Variants in IGSF22 observed in about 807,000 individuals in gnomAD.
IGSF22 encodes the protein immunoglobulin superfamily, member 22.
Under a neutral mutation model 127.0 loss-of-function variants are expected in IGSF22, and 119 were observed. That is an observed-to-expected ratio of 0.94 (90% confidence interval 0.81 to 1.09). The LOEUF is 1.09. Among genes scored for constraint, IGSF22 ranks in the 50% least tolerant of loss-of-function variants. IGSF22 has a pLI of 0.00. For synonymous variants in IGSF22, 568 were observed against 664.7 expected (o/e 0.85, Z 2.24); for missense variants, 1,518 against 1,716.6 (o/e 0.88, Z 2.04).
In IGSF22 at chr11:18,717,958, G is replaced by T; in HGVS notation, c.946C>A (p.Arg316=). The T allele has an allele frequency of 6.2e-7, 1 of 1,614,156 alleles. No homozygotes were observed. The highest frequency in any genetic ancestry group is 1.1e-5 in the South Asian group (1 of 91,074). The change falls in exon 9 of 23, where the codon CGG becomes AGG. Residue 316 remains arginine (R), a synonymous_variant. Coordinates refer to ENST00000513874, the MANE Select transcript of IGSF22 (RefSeq NM_173588.4). ...AGCACTGTGAGCTCTGCACTCATCC[G>T]CTTATCGCCCACGGACAGGCTGTAG... ...GIYSLSVGDK[R]MSAELTVLDE...
intron 19 of IGSF22, 65 bp downstream of exon 19, chr11:18,708,142 A>G (rs1848281698): frequency 2.0e-6 from 3 of 1,531,276 alleles, no homozygotes; most frequent in Admixed American, 3.6e-5. Flanking sequence ...AGAGACTGTG[A>G]TGGCTACAAT....
chr11:18,704,934 C>T (rs1389300232), intron 22 of IGSF22: 1 of 230,656 alleles, frequency 4.3e-6, no homozygotes, highest in Non-Finnish European at 8.7e-6. Context: ...CAGTGCCTTC[C>T]CTGGCCTAGT....
At chr11:18,704,858 G>T in intron 22 of IGSF22, 1 of 308,752 alleles carries the variant, frequency 3.2e-6, no homozygotes, top group Non-Finnish European at 6.3e-6. Context: ...CATTTGCTGT[G>T]CTTACAAGCA....
intron 5 of IGSF22, 37 bp downstream of exon 5, chr11:18,720,149 C>A: frequency 6.2e-7 from 1 of 1,613,876 alleles, no homozygotes; most frequent in Non-Finnish European, 8.5e-7. Context: ...GAGTCTGGTC[C>A]CTAAGAAGAA....
In IGSF22 at chr11:18,714,105, CG is replaced by C. The variant is rs1258967361; in HGVS notation, c.1841del (p.Ala614GlyfsTer6). On this transcript the variant is annotated frameshift_variant, in exon 14 of 23. Transcript: ENST00000513874. LOFTEE classifies it high-confidence loss of function. Reference protein sequence around the residue: ...IDPSVLEALAAHAITVKVGHT... With the variant: ...IDPSVLEALAXHAITVKVGHT... The stretch of plus-strand genomic sequence containing the variant: ...GGCCTACCTTCACAGTGATGGCGTG[CG>C]CAGCCAGTGCCTCCAGTACTGACGG... 1 of 1,614,020 alleles carries C rather than the reference CG, an allele frequency of 6.2e-7. No homozygotes were observed. The highest frequency in any genetic ancestry group is 1.7e-5 in the Admixed American group (1 of 59,998).
At chr11:18,713,742 A>T in intron 14 of IGSF22, 110 bp downstream of exon 14, 1 of 906,684 alleles carries the variant, frequency 1.1e-6, no homozygotes, top group Non-Finnish European at 1.6e-6. Flanking sequence ...GCCCATTCCC[A>T]GCCCAAACTT....
rs777008340 is a variant in IGSF22, at chr11:18,710,765, G to A, written c.2462C>T (p.Thr821Met). 2.0e-5 allele frequency: 33 copies of A among 1,614,052 alleles called. No homozygotes were observed. The highest frequency in any genetic ancestry group is 1.6e-4 in the Middle Eastern group (1 of 6,084). ...TDVTKEAVTI[T>M]WNAPTQDGGA... ...CCCATCCTGGGTAGGGGCATTCCAC[G>A]TGATGGTCACGGCTTCTTTAGTCAC... Residue 821 changes from threonine to methionine, a missense_variant, in exon 16 of 23, where the codon ACG becomes ATG. Coordinates refer to ENST00000513874, the MANE Select transcript of IGSF22 (RefSeq NM_173588.4).
chr11:18,716,973 A>T lies in IGSF22; in HGVS notation c.1001T>A (p.Met334Lys), dbSNP rs1344848644. Residue 334 changes from methionine (M) to lysine (K), a missense_variant, in exon 10 of 23, where the codon ATG (methionine) becomes AAG (lysine). By Grantham distance (95) the Met-to-Lys change is moderately conservative (BLOSUM62 -1). Around this residue, in one of 3 missense-constraint regions of IGSF22, gnomAD observed 1,456 missense variants for 1,644.9 expected, o/e 0.89. Transcript: ENST00000513874. The surrounding 1 kb of genome is among the most constrained non-coding windows in gnomAD (Gnocchi z 4.5). Reference protein sequence around the residue: ...LDEPLKFLGEMKPVKVTERQT... With the variant: ...LDEPLKFLGEKKPVKVTERQT... ...GCGCTCTGTCACCTTCACAGGCTTC[A>T]TCTCTCCCAGGAACTTCAGTGGCTC... is the stretch of plus-strand genomic sequence containing the variant. 6.2e-7 allele frequency: 1 copy of T among 1,614,014 alleles called. No homozygotes were observed. The highest frequency in any genetic ancestry group is 8.5e-7 in the Non-Finnish European group (1 of 1,180,024).
In IGSF22 at chr11:18,716,824, GCGTCAGA is replaced by G. The variant is rs779426549; in HGVS notation, c.1143_1149del (p.Leu382ThrfsTer39). ...CTGGCATCCTTAATCTTAAGCGTGT[GCGTCAGA>G]CCATCTTCGGACACCGTGATTTCAT... On this transcript the variant is annotated frameshift_variant, in exon 10 of 23. Coordinates refer to ENST00000513874, the MANE Select transcript of IGSF22 (RefSeq NM_173588.4). LOFTEE classifies it high-confidence loss of function. This position sits in a 1 kb window ranked among gnomAD's most constrained non-coding sequence, Gnocchi z 4.5. 6.8e-6 allele frequency: 11 copies of G among 1,614,184 alleles called. No individual in the cohort carries two copies. In the African/African-American group the frequency reaches 1.5e-4, roughly 22 times the overall value.
intron 22 of IGSF22, chr11:18,705,504 G>A: frequency 2.7e-6 from 1 of 370,228 alleles, no homozygotes; most frequent in East Asian, 5.3e-5. Flanking sequence ...CAGAGAGATC[G>A]TGATTGGTGA....
chr11:18,724,662 C>A (rs1848623702), intron 1 of IGSF22, among the ~76,000 whole-genome samples: 1 of 152,286 alleles, frequency 6.6e-6, no homozygotes, highest in Admixed American at 6.5e-5. Flanking sequence ...CTAAGCCATA[C>A]TGGAGTGGGC....
At chr11:18,717,528 T>G (rs4264132) in intron 9 of IGSF22, among the ~76,000 whole-genome samples, 1 of 151,918 alleles carries the variant, frequency 6.6e-6, no homozygotes, top group South Asian at 2.1e-4. Context: ...GCTGGGTAGC[T>G]AGGACTACAG....
At chr11:18,705,714 C>T in intron 22 of IGSF22, 103 bp downstream of exon 22, 1 of 979,370 alleles carries the variant, frequency 1.0e-6, no homozygotes, top group African/African-American at 1.6e-5. Flanking sequence ...TGTTGGCAGT[C>T]AGATTAAAAA....
At position 18,707,164 on chromosome 11, in the gene IGSF22, G is replaced by A; in HGVS notation, c.3330C>T (p.Asn1110=). 1.9e-6 allele frequency: 3 copies of A among 1,548,904 alleles called. No individual in the cohort carries two copies. Among genetic ancestry groups the A allele is most frequent in the East Asian group, 4.9e-5 (2 of 40,880 alleles). ...TNLRLFEEVP[N]TVTLTWNHSP... ...TGTGGTTCCAGGTCAGAGTCACTGT[G>A]TTGGGGACTTCCTCAAACAACCGTA... The change falls in exon 21 of 23, where the codon AAC becomes AAT. Residue 1110 remains asparagine (N), a synonymous_variant. Transcript: ENST00000513874.
rs1848407460 is a variant in IGSF22, at chr11:18,713,999, C to T, written c.1948G>A (p.Glu650Lys). The T allele has an allele frequency of 3.7e-6, 6 of 1,614,304 alleles. No individual in the cohort carries two copies. The highest frequency in any genetic ancestry group is 5.1e-6 in the Non-Finnish European group (6 of 1,180,060). The part of the protein sequence containing the change: ...TWYKDGMEVT[E>K]EERVSMERGE... Reference sequence around the variant, plus strand: ...CGCTCCATGGACACGCGTTCCTCCTCCGTCACTTCCATGCCATCCTTGTAC... The same window carrying T: ...CGCTCCATGGACACGCGTTCCTCCTTCGTCACTTCCATGCCATCCTTGTAC... Residue 650 changes from glutamate to lysine, a missense_variant, in exon 14 of 23, where the codon GAG becomes AAG. By Grantham distance (56) the Glu-to-Lys change is moderately conservative. Coordinates refer to ENST00000513874, the MANE Select transcript of IGSF22 (RefSeq NM_173588.4).
intron 22 of IGSF22, 138 bp downstream of exon 22, chr11:18,705,679 G>T: frequency 1.4e-6 from 1 of 716,002 alleles, no homozygotes; most frequent in Non-Finnish European, 2.3e-6. Context: ...AAGAACTGTG[G>T]CCAATTAAGA....
In IGSF22 at chr11:18,714,576, G is replaced by C. The variant is rs760640526; in HGVS notation, c.1580C>G (p.Thr527Ser). Residue 527 changes from threonine (T) to serine (S), a missense_variant, in exon 12 of 23, where the codon ACT becomes AGT. This residue lies in a region of IGSF22 where 1,456 missense variants were observed against 1,644.9 expected (regional missense o/e 0.89). Transcript: ENST00000513874. Reference sequence around the variant, plus strand: ...TACACACAACTCAGCTGGGCTCCCAGTGGCCGCGTGCACGTCGGACATCCC... The same window carrying C: ...TACACACAACTCAGCTGGGCTCCCACTGGCCGCGTGCACGTCGGACATCCC... ...KSGMSDVHAA[T>S]GSPAELCVVL... is the part of the protein sequence containing the mutation. The C allele has an allele frequency of 2.5e-6, 4 of 1,614,102 alleles. No individual in the cohort carries two copies. Among genetic ancestry groups the C allele is most frequent in the Admixed American group, 1.7e-5 (1 of 60,008 alleles).
intron 14 of IGSF22, among the ~76,000 whole-genome samples, chr11:18,713,029 CCTTATTTTATCTCCAGCTCTAT>C (rs1848386075): frequency 6.6e-6 from 1 of 152,152 alleles, no homozygotes; most frequent in Non-Finnish European, 1.5e-5. Flanking sequence ...ATCTTTCCCA[CCTTATTTTATCTCCAGCTCTAT>C]CTGACCTCCC....
In IGSF22 at chr11:18,712,169, CT is replaced by C; in HGVS notation, c.2310del (p.Ala771ProfsTer14). On this transcript the variant is annotated frameshift_variant, in exon 15 of 23. Coordinates refer to ENST00000513874, the MANE Select transcript of IGSF22 (RefSeq NM_173588.4). LOFTEE classifies it high-confidence loss of function. ...ACTGCCAGGATACGGAACTGGTAGG[CT>C]TTTCCCTCTTCCACCTTGTTGGTGG... is the stretch of plus-strand genomic sequence containing the variant. Reference protein sequence around the residue: ...NFSTNKVEEGKAYQFRILAVN... With the variant: ...NFSTNKVEEGXAYQFRILAVN... The C allele has an allele frequency of 6.4e-7, 1 of 1,551,764 alleles. No homozygotes were observed. The highest frequency in any genetic ancestry group is 8.7e-7 in the Non-Finnish European group (1 of 1,147,008).
Sources: allele counts gnomAD v4.1 joint callset (sites outside exome capture counted in the v4.1 genomes callset), GRCh38; gene constraint gnomAD v4.1.1; regional missense constraint gnomAD v4.1.1; non-coding constraint Gnocchi (gnomAD v3.1); transcripts MANE v1.5; gene names NCBI Gene and HGNC (gene_info 2026-07-23, HGNC 2026-07-21).